Variants in AGBL2 observed in about 807,000 individuals in gnomAD.
AGBL2 encodes the protein AGBL carboxypeptidase 2, also known as cytosolic carboxypeptidase 2.
AGBL2 carries 87 observed loss-of-function variants against 103.0 expected under a neutral mutation model. The ratio of observed to expected loss-of-function variants is 0.84; its 90% CI spans 0.71 to 1.01. The LOEUF (loss-of-function observed/expected upper bound fraction) is 1.01. Among genes scored for constraint, AGBL2 ranks in the 50% least tolerant of loss-of-function variants. The pLI, the probability that AGBL2 is intolerant of heterozygous loss-of-function variation, is 0.00. For missense variants in AGBL2, 904 were observed against 1,023.5 expected (o/e 0.88, Z 1.59); for synonymous variants, 335 against 356.7 (o/e 0.94, Z 0.69).
chr11:47,664,507 G>A (rs1410102634), intron 17 of AGBL2, among the ~76,000 whole-genome samples: 2 of 151,640 alleles, frequency 1.3e-5, no homozygotes, highest in Non-Finnish European at 2.9e-5. Context: ...TGCCTCCCAG[G>A]TTCAAGTGAT....
At chr11:47,668,279 C>T (rs1434246496) in intron 15 of AGBL2, among the ~76,000 whole-genome samples, 1 of 147,492 alleles carries the variant, frequency 6.8e-6, no homozygotes, top group Non-Finnish European at 1.5e-5. Context: ...GAGGCCAAGG[C>T]GGGCAGATCA....
chr11:47,692,291 C>T (rs758957068), intron 8 of AGBL2, 35 bp from the exon 9 acceptor site: 25 of 1,594,708 alleles, frequency 1.6e-5, no homozygotes, highest in Non-Finnish European at 1.9e-5. Flanking sequence ...CTAGGTTCTA[C>T]TCAGAATCCA....
At chr11:47,698,941 ATG>A (rs779301811) in intron 8 of AGBL2, among the ~76,000 whole-genome samples, 5 of 149,738 alleles carry the variant, frequency 3.3e-5, no homozygotes, top group Admixed American at 6.8e-5. Flanking sequence ...CTTAAAAAGA[ATG>A]TGTATGACTT....
intron 2 of AGBL2, 133 bp downstream of exon 2, chr11:47,714,485 G>C: frequency 7.6e-7 from 1 of 1,308,614 alleles, no homozygotes; most frequent in Non-Finnish European, 1.1e-6. Context: ...TCTATCGTGG[G>C]GATCAAGATC....
At chr11:47,698,714 T>G (rs2097486521) in intron 8 of AGBL2, among the ~76,000 whole-genome samples, 1 of 152,174 alleles carries the variant, frequency 6.6e-6, no homozygotes, top group African/African-American at 2.4e-5. Flanking sequence ...ATTTTTGAAG[T>G]CTACTTGTGA....
intron 12 of AGBL2, among the ~76,000 whole-genome samples, chr11:47,680,786 GAAACAAAACA>G (rs56208874): frequency 2.7e-5 from 4 of 147,494 alleles, no homozygotes; most frequent in African/African-American, 1.0e-4. Flanking sequence ...GGGAGACCCT[GAAACAAAACA>G]AAACAAAACA....
chr11:47,690,408 G>A lies in AGBL2; in HGVS notation c.1299C>T (p.Thr433=), dbSNP rs759625602. 1.1e-5 allele frequency: 17 copies of A among 1,613,970 alleles called. No individual in the cohort carries two copies. Among genetic ancestry groups the A allele is most frequent in the South Asian group, 7.7e-5 (7 of 91,082 alleles). ...QTLCRSLAGN[T]VYLLTITNPS... ...GGTTGGTGATGGTGAGCAAGTAAAC[G>A]GTATTTCCTGCTAGGCTCCTGCATA... The change falls in exon 10 of 19, where the codon ACC becomes ACT. Residue 433 remains threonine, a synonymous_variant. Coordinates refer to ENST00000525123, the MANE Select transcript of AGBL2 (RefSeq NM_024783.4).
intron 13 of AGBL2, among the ~76,000 whole-genome samples, chr11:47,679,395 GA>G (rs968230575): frequency 4.8e-5 from 7 of 146,290 alleles, no homozygotes; most frequent in South Asian, 2.2e-4. Flanking sequence ...TGTCTCAAAA[GA>G]AAAAAAAAAG....
Position 47,680,077 on chromosome 11 carries a change from G to C in AGBL2, c.1916-4C>G. 2.5e-6 allele frequency: 3 copies of C among 1,204,688 alleles called. No individual in the cohort carries two copies. The highest frequency in any genetic ancestry group is 2.4e-5 in the Admixed American group (1 of 41,782). 74.6% of individuals were successfully genotyped at this position (1,204,688 alleles called of 1,614,324 possible). On this transcript the variant is annotated splice_polypyrimidine_tract_variant and splice_region_variant and intron_variant, in intron 12 of 18. Coordinates refer to ENST00000525123, the MANE Select transcript of AGBL2 (RefSeq NM_024783.4). ...AAGTGGGTGTCTCTTTTATTACCTG[G>C]AAAAAAAAAAAACCCCGCAAACATT...
At chr11:47,709,224 C>T (rs1241586394) in intron 4 of AGBL2, among the ~76,000 whole-genome samples, 1 of 152,000 alleles carries the variant, frequency 6.6e-6, no homozygotes, top group African/African-American at 2.4e-5. Context: ...ATATAAAAAA[C>T]ACTGCTATGT....
chr11:47,683,199 C>A (rs1467077717), intron 11 of AGBL2, among the ~76,000 whole-genome samples: 1 of 151,744 alleles, frequency 6.6e-6, no homozygotes, highest in Non-Finnish European at 1.5e-5. Flanking sequence ...GGCGAAACCC[C>A]GACTCTACTA....
intron 17 of AGBL2, among the ~76,000 whole-genome samples, chr11:47,666,073 G>A (rs536028322): frequency 2.0e-5 from 3 of 151,588 alleles, no homozygotes; most frequent in Admixed American, 6.6e-5. Flanking sequence ...CACCATGGCC[G>A]GACAGCCTAT....
At chr11:47,674,328 G>A (rs1431387556) in intron 14 of AGBL2, among the ~76,000 whole-genome samples, 4 of 152,052 alleles carry the variant, frequency 2.6e-5, no homozygotes, top group African/African-American at 9.7e-5. Flanking sequence ...TTGGGAGGCC[G>A]AGGTGGGCAG....
At position 47,660,129 on chromosome 11, in the gene AGBL2, C is replaced by G; in HGVS notation, c.*44G>C. 1 of 1,563,820 alleles carries G rather than the reference C, an allele frequency of 6.4e-7. No individual in the cohort carries two copies. Among genetic ancestry groups the G allele is most frequent in the South Asian group, 1.2e-5 (1 of 83,808 alleles). ...CCCCATTATAAAATGTGTCTAATCT[C>G]AAAACCCCCGATGAAGTGCTTGTGT... On this transcript the variant is annotated 3_prime_UTR_variant, in exon 19 of 19. Coordinates refer to ENST00000525123, the MANE Select transcript of AGBL2 (RefSeq NM_024783.4).
intron 15 of AGBL2, among the ~76,000 whole-genome samples, chr11:47,668,524 T>C (rs929596094): frequency 3.3e-5 from 5 of 152,124 alleles, no homozygotes; most frequent in African/African-American, 1.2e-4. Context: ...GGGGCACTTA[T>C]ACTAATAACC....
chr11:47,690,363 C>T lies in AGBL2; in HGVS notation c.1344G>A (p.Glu448=). ...TITNPSQTPQ[E]AAAKKAVVLS... The stretch of plus-strand genomic sequence containing the variant: ...AGACCACAGCTTTCTTTGCAGCTGC[C>T]TCTTGAGGGGTCTGGGATGGGTTGG... The change falls in exon 10 of 19, where the codon GAG becomes GAA. Residue 448 remains glutamate, a synonymous_variant. Coordinates refer to ENST00000525123, the MANE Select transcript of AGBL2 (RefSeq NM_024783.4). 4.3e-6 allele frequency: 7 copies of T among 1,614,088 alleles called. No homozygotes were observed. The highest frequency in any genetic ancestry group is 1.1e-5 in the South Asian group (1 of 91,072).
At chr11:47,667,504 C>A in intron 16 of AGBL2, 67 bp downstream of exon 16, 3 of 1,569,668 alleles carry the variant, frequency 1.9e-6, no homozygotes, top group Non-Finnish European at 2.6e-6. Context: ...CTTTAACCCC[C>A]TTTCCTTATC....
chr11:47,680,788 A>AACAAG (rs1319883797), intron 12 of AGBL2, among the ~76,000 whole-genome samples: 2 of 127,084 alleles, frequency 1.6e-5, no homozygotes, highest in African/African-American at 7.2e-5. Flanking sequence ...GAGACCCTGA[A>AACAAG]ACAAAACAAA....
At chr11:47,714,481 G>T in intron 2 of AGBL2, 134 bp from the exon 3 acceptor site, 2 of 1,305,778 alleles carry the variant, frequency 1.5e-6, no homozygotes, top group Non-Finnish European at 2.2e-6. Flanking sequence ...TTATTCTATC[G>T]TGGGGATCAA....
Sources: gnomAD v4.1 joint callset for allele counts (sites outside exome capture counted in the v4.1 genomes callset) on GRCh38, gnomAD v4.1.1 for gene constraint, MANE v1.5 for transcripts, NCBI Gene and HGNC (gene_info 2026-07-23, HGNC 2026-07-21) for gene names.